RANBP2: variants seen among roughly 807,000 people sequenced by gnomAD.
The protein encoded by RANBP2 is E3 SUMO-protein ligase RanBP2.
A neutral mutation model predicts 303.6 loss-of-function variants in RANBP2; 57 were observed. The observed-to-expected ratio is 0.19, with a 90% CI of 0.15 to 0.23. The LOEUF is 0.23. Among genes scored for constraint, RANBP2 ranks in the 10% least tolerant of loss-of-function variants. The probability of loss-of-function intolerance (pLI) is 1.00; values close to 1 mark genes in which losing one functional copy is unlikely to be tolerated. For missense variants in RANBP2, 3,138 were observed against 3,780.8 expected, an observed-to-expected ratio of 0.83 and a Z score of 4.46; for synonymous variants, 1,167 against 1,301.5, an observed-to-expected ratio of 0.90 and a Z score of 2.23.
the RANBP2 span, among the ~76,000 whole-genome samples, chr2:109,556,953 T>G: frequency 6.6e-6 from 1 of 152,106 alleles, no homozygotes; most frequent in Non-Finnish European, 1.5e-5. Context: ...TTCTCACTCA[T>G]AGATGGGAAT....
At chr2:109,409,097 G>A in the RANBP2 span, among the ~76,000 whole-genome samples, 12 of 152,214 alleles carry the variant, frequency 7.9e-5, no homozygotes, top group Non-Finnish European at 1.6e-4. Context: ...TCACCAAACT[G>A]GAGTCGGGTT....
the RANBP2 span, among the ~76,000 whole-genome samples, chr2:109,132,488 G>T: frequency 1.3e-5 from 2 of 152,158 alleles, no homozygotes; most frequent in Admixed American, 6.5e-5. Context: ...TCTCAGCTCT[G>T]CTCTCACCTG....
the RANBP2 span, among the ~76,000 whole-genome samples, chr2:109,634,382 C>CA: frequency 6.6e-6 from 1 of 151,794 alleles, no homozygotes; most frequent in African/African-American, 2.4e-5. Flanking sequence ...AGATTATCTC[C>CA]AAAAAAGGGT....
chr2:108,826,491 C>G, the RANBP2 span, among the ~76,000 whole-genome samples: 1 of 152,094 alleles, frequency 6.6e-6, no homozygotes, highest in African/African-American at 2.4e-5. Context: ...TTTGTTTCAG[C>G]ATCATTAGTT....
chr2:109,699,875 G>A, the RANBP2 span, among the ~76,000 whole-genome samples: 1 of 152,124 alleles, frequency 6.6e-6, no homozygotes, highest in South Asian at 2.1e-4. Context: ...CCCAGACTTC[G>A]CCTCCAGGAA....
chr2:109,176,194 A>G, the RANBP2 span, among the ~76,000 whole-genome samples: 1 of 152,198 alleles, frequency 6.6e-6, no homozygotes, highest in Admixed American at 6.5e-5. Context: ...CCAGTGGGGG[A>G]AAAGCAGACT....
chr2:109,376,923 C>T, the RANBP2 span, among the ~76,000 whole-genome samples: 1 of 152,250 alleles, frequency 6.6e-6, no homozygotes, highest in Admixed American at 6.5e-5. Flanking sequence ...TAGATAGACC[C>T]TAGTCTGCAA....
chr2:109,430,570 C>A, the RANBP2 span, among the ~76,000 whole-genome samples: 1 of 152,122 alleles, frequency 6.6e-6, no homozygotes, highest in Admixed American at 6.5e-5. Context: ...TTCACCTCTC[C>A]CCGTTCTCCT....
At chr2:109,021,720 C>CAGGA in the RANBP2 span, among the ~76,000 whole-genome samples, 10,050 of 151,976 alleles carry the variant, frequency 0.066, 326 homozygotes, top group African/African-American at 0.083. Context: ...TGTCCATTAC[C>CAGGA]AGGTCCCCAG....
chr2:109,563,737 T>C, the RANBP2 span, among the ~76,000 whole-genome samples: 1 of 152,228 alleles, frequency 6.6e-6, no homozygotes. Flanking sequence ...AGCACTCTCC[T>C]TCTTCCTTTA....
At chr2:109,445,179 C>T in the RANBP2 span, among the ~76,000 whole-genome samples, 1 of 152,172 alleles carries the variant, frequency 6.6e-6, no homozygotes, top group Non-Finnish European at 1.5e-5. Flanking sequence ...GATGTATAAA[C>T]ATGGAGGATA....
the RANBP2 span, among the ~76,000 whole-genome samples, chr2:109,718,969 C>A: frequency 7.2e-6 from 1 of 139,680 alleles, no homozygotes; most frequent in Non-Finnish European, 1.5e-5. Flanking sequence ...GAGATTGTGC[C>A]ACTGCATTCC....
chr2:108,733,152 T>TTCAG (rs1461284737), intron 4 of RANBP2, among the ~76,000 whole-genome samples: 1 of 152,096 alleles, frequency 6.6e-6, no homozygotes, highest in Non-Finnish European at 1.5e-5. Flanking sequence ...GGTTGGCTTC[T>TTCAG]TCAGTCACCA....
the RANBP2 span, among the ~76,000 whole-genome samples, chr2:109,236,882 C>G: frequency 2.6e-5 from 4 of 152,304 alleles, no homozygotes; most frequent in African/African-American, 9.6e-5. Flanking sequence ...GTGACCTGTA[C>G]TTACAGCTCA....
At chr2:108,793,972 C>T in the RANBP2 span, among the ~76,000 whole-genome samples, 1 of 152,106 alleles carries the variant, frequency 6.6e-6, no homozygotes, top group African/African-American at 2.4e-5. Context: ...ATAGCCAAAT[C>T]AGCTCAAATT....
At chr2:109,671,867 G>A in the RANBP2 span, among the ~76,000 whole-genome samples, 3 of 152,086 alleles carry the variant, frequency 2.0e-5, no homozygotes, top group Non-Finnish European at 4.4e-5. Flanking sequence ...GGGAAAAAAG[G>A]TATCTTATAG....
intron 1 of RANBP2, among the ~76,000 whole-genome samples, chr2:108,720,965 C>G (rs1187318543): frequency 6.6e-6 from 1 of 152,098 alleles, no homozygotes; most frequent in Non-Finnish European, 1.5e-5. Flanking sequence ...AGGAGAGTCG[C>G]TTGAACCCGG....
the RANBP2 span, among the ~76,000 whole-genome samples, chr2:108,886,755 T>G: frequency 6.6e-5 from 10 of 152,100 alleles, no homozygotes; most frequent in Admixed American, 6.5e-4. Context: ...AAAATTTAAC[T>G]GTGGAGCTGT....
the RANBP2 span, chr2:109,574,443 T>TAA: frequency 0.13 from 34,416 of 266,536 alleles, 1,950 homozygotes; most frequent in South Asian, 0.17. Flanking sequence ...ACTTTATCTC[T>TAA]AAAAAAAAAA....
Sources: allele counts gnomAD v4.1 joint callset (sites outside exome capture counted in the v4.1 genomes callset), GRCh38; gene constraint gnomAD v4.1.1; transcripts MANE v1.5; gene names NCBI Gene and HGNC (gene_info 2026-07-23, HGNC 2026-07-21).